UVSSA: variants seen among roughly 807,000 people sequenced by gnomAD.
UVSSA encodes the protein UV-stimulated scaffold protein A.
In UVSSA, 72 loss-of-function variants were observed where a neutral mutation model predicts 73.9. That is an observed-to-expected ratio of 0.97 (90% CI 0.81 to 1.19). The LOEUF is 1.19. UVSSA is among the 50% of genes most tolerant of loss of function. The pLI, the probability that UVSSA is intolerant of heterozygous loss-of-function variation, is 0.00. For missense variants in UVSSA, 1,150 were observed against 965.0 expected (o/e 1.19, Z -2.54); for synonymous variants, 454 against 391.3 (o/e 1.16, Z -1.89).
Position 1,387,733 on chromosome 4 carries a change from T to G in UVSSA, c.*1772T>G, listed in dbSNP as rs577219523. ...CATTGAATTATCTTCGCACCATTAT[T>G]GATAATCAGTTGACCAAAAATGTAC... is the stretch of plus-strand genomic sequence containing the variant. On this transcript the variant is annotated 3_prime_UTR_variant, in exon 14 of 14. Transcript: ENST00000389851. 2 of 152,342 alleles carry G rather than the reference T, an allele frequency of 1.3e-5. No individual in the cohort carries two copies. Among genetic ancestry groups the G allele is most frequent in the South Asian group, 4.1e-4 (2 of 4,830 alleles). The allele number at this position is 152,342 out of a possible 1,614,324, so 9.4% of individuals were successfully genotyped here.
At chr4:1,371,110 C>T (rs1717972129) in intron 8 of UVSSA, among the ~76,000 whole-genome samples, 2 of 152,160 alleles carry the variant, frequency 1.3e-5, no homozygotes, top group South Asian at 4.1e-4. Context: ...CTGTGGTGAG[C>T]ACATGTGTGT....
At chr4:1,368,716 G>T (rs150258108) in intron 8 of UVSSA, among the ~76,000 whole-genome samples, 1 of 152,246 alleles carries the variant, frequency 6.6e-6, no homozygotes, top group Non-Finnish European at 1.5e-5. Context: ...TCACCCGTAG[G>T]CTGTCCCAGC....
intron 7 of UVSSA, among the ~76,000 whole-genome samples, chr4:1,360,282 AC>A (rs1716434795): frequency 6.6e-6 from 1 of 152,122 alleles, no homozygotes; most frequent in South Asian, 2.1e-4. Flanking sequence ...TCCCTCCCAC[AC>A]CGGTGGCACA....
chr4:1,391,297 G>T (rs1720408903), downstream of UVSSA: 1 of 152,536 alleles, frequency 6.6e-6, no homozygotes, highest in African/African-American at 2.4e-5. Context: ...ATAGAAGCCT[G>T]TTGGGTCTGA....
intron 5 of UVSSA, among the ~76,000 whole-genome samples, chr4:1,353,987 C>A (rs990603514): frequency 2.0e-5 from 3 of 152,252 alleles, no homozygotes; most frequent in East Asian, 1.9e-4. Flanking sequence ...CTGCTGCCCC[C>A]CTGGGGTGTG....
chr4:1,357,960 G>A (rs1716033360), intron 7 of UVSSA: 1 of 152,530 alleles, frequency 6.6e-6, no homozygotes, highest in African/African-American at 2.4e-5. Context: ...CCACCCACCA[G>A]GTCCCGGGGA....
At chr4:1,370,416 C>T (rs755417838) in intron 8 of UVSSA, among the ~76,000 whole-genome samples, 6 of 152,210 alleles carry the variant, frequency 3.9e-5, no homozygotes, top group Admixed American at 1.3e-4. Context: ...CTCCCGGGTG[C>T]GCGCCTCGGG....
intron 11 of UVSSA, 79 bp from the exon 12 acceptor site, chr4:1,380,801 C>G (rs1266770097): frequency 6.3e-7 from 1 of 1,591,726 alleles, no homozygotes; most frequent in Non-Finnish European, 8.6e-7. Flanking sequence ...TGTTTGTGCC[C>G]AAGTCGTGGT....
rs1491352322 is a variant in UVSSA, at chr4:1,379,762, G to GTGTCAGAATTCAGACCCAGC, written c.1569-285_1569-284insTGTCAGAATTCAGACCCAGC. ...CGTGGTCGCGCGGCTGGTTCACGTG[G>GTGTCAGAATTCAGACCCAGC]CGTCAGAATTCAGACGCAGGCGGTC... On this transcript the variant is annotated intron_variant, in intron 10 of 13. Transcript: ENST00000389851. Among the ~76,000 whole-genome samples the GTGTCAGAATTCAGACCCAGC allele has an allele frequency of 2.2e-3, 75 of 34,462 alleles. 19 individuals carry two copies. The highest frequency in any genetic ancestry group is 9.8e-3 in the African/African-American group (72 of 7,350). The allele number at this position is 34,462 out of a possible 152,430, so 22.6% of individuals were successfully genotyped here.
At chr4:1,373,313 G>A (rs1718363734) in intron 8 of UVSSA, among the ~76,000 whole-genome samples, 1 of 152,220 alleles carries the variant, frequency 6.6e-6, no homozygotes, top group Non-Finnish European at 1.5e-5. Flanking sequence ...AGGGCAGGAA[G>A]CATCCAGCAC....
chr4:1,360,764 C>T (rs1216011805), intron 7 of UVSSA, among the ~76,000 whole-genome samples: 4 of 152,206 alleles, frequency 2.6e-5, no homozygotes, highest in Admixed American at 6.5e-5. Context: ...TAGCTTTCTC[C>T]GCAGAGCTCG....
At position 1,376,136 on chromosome 4, in the gene UVSSA, C is replaced by T. The variant is rs1379999997; in HGVS notation, c.1536C>T (p.Gly512=). The change falls in exon 10 of 14, where the codon GGC becomes GGT. Residue 512 remains glycine, a synonymous_variant. Coordinates refer to ENST00000389851, the MANE Select transcript of UVSSA (RefSeq NM_020894.4). Reference sequence around the variant, plus strand: ...ACGGCGTGGACCTGCACTACTGGGGCCAGGAGCTCCCCACAGCCGGGAAGA... The same window carrying T: ...ACGGCGTGGACCTGCACTACTGGGGTCAGGAGCTCCCCACAGCCGGGAAGA... ...VPYGVDLHYW[G]QELPTAGKIV... 2 of 1,610,176 alleles carry T rather than the reference C, an allele frequency of 1.2e-6. No homozygotes were observed. The highest frequency in any genetic ancestry group is 2.2e-5 in the East Asian group (1 of 44,790).
chr4:1,353,122 G>A lies in UVSSA; in HGVS notation c.643G>A (p.Glu215Lys). The A allele has an allele frequency of 6.2e-7, 1 of 1,613,080 alleles. No homozygotes were observed. Among genetic ancestry groups the A allele is most frequent in the Non-Finnish European group, 8.5e-7 (1 of 1,180,016 alleles). Residue 215 changes from glutamate to lysine, a missense_variant, in exon 5 of 14, where the codon GAA becomes AAA. Transcript: ENST00000389851. ...TGACTTTGACCCGAACCCGGAGACG[G>A]AATCCCTTGGCATGGCTTCTGGCAT... Reference protein sequence around the residue: ...PFDFDPNPETESLGMASGMSD... With the variant: ...PFDFDPNPETKSLGMASGMSD...
At chr4:1,368,914 C>T (rs1717677106) in intron 8 of UVSSA, among the ~76,000 whole-genome samples, 1 of 152,248 alleles carries the variant, frequency 6.6e-6, no homozygotes, top group Admixed American at 6.5e-5. Context: ...GGCTCCAAGC[C>T]TCCTCCACTG....
upstream of UVSSA, among the ~76,000 whole-genome samples, chr4:1,346,669 C>T (rs1713728656): frequency 6.6e-6 from 1 of 151,928 alleles, no homozygotes; most frequent in Non-Finnish European, 1.5e-5. Context: ...GGGGCGAGCT[C>T]GGGGGCGGGG....
chr4:1,379,421 C>A (rs1427980632), intron 10 of UVSSA, among the ~76,000 whole-genome samples: 2 of 152,236 alleles, frequency 1.3e-5, no homozygotes, highest in Non-Finnish European at 2.9e-5. Context: ...CCATGGCATC[C>A]GCCGGAAAGC....
chr4:1,351,986 T>C, intron 4 of UVSSA, 151 bp downstream of exon 4: 1 of 1,295,108 alleles, frequency 7.7e-7, no homozygotes, highest in Non-Finnish European at 1.0e-6. Context: ...CCGGAAGGCG[T>C]TCTTAGCCGT....
intron 5 of UVSSA, 169 bp from the exon 6 acceptor site, chr4:1,354,566 A>G: frequency 1.6e-6 from 1 of 615,254 alleles, no homozygotes; most frequent in East Asian, 2.8e-5. Flanking sequence ...CTAAGATAAT[A>G]AAACACTTCC....
intron 10 of UVSSA, 145 bp from the exon 11 acceptor site, chr4:1,379,902 G>C: frequency 1.2e-6 from 1 of 833,846 alleles, no homozygotes; most frequent in Non-Finnish European, 1.7e-6. Context: ...AGCCGGGAGT[G>C]ACCGTGTTCT....
Sources: gnomAD v4.1 joint callset for allele counts (sites outside exome capture counted in the v4.1 genomes callset) on GRCh38, gnomAD v4.1.1 for gene constraint, MANE v1.5 for transcripts, NCBI Gene and HGNC (gene_info 2026-07-23, HGNC 2026-07-21) for gene names.